The following MYBL1 variants were observed in gnomAD, a reference collection of about 807,000 sequenced individuals.
MYBL1 encodes the protein myb-related protein A.
A neutral mutation model predicts 96.3 loss-of-function variants in MYBL1; 17 were observed. The ratio of observed to expected loss-of-function variants is 0.18; its 90% CI spans 0.12 to 0.26. The LOEUF is 0.26. Among genes scored for constraint, MYBL1 ranks in the 10% least tolerant of loss-of-function variants. MYBL1 has a pLI of 1.00. For synonymous variants in MYBL1, 282 were observed against 292.7 expected, an observed-to-expected ratio of 0.96 and a Z score of 0.37; for missense variants, 701 against 882.9, an observed-to-expected ratio of 0.79 and a Z score of 2.61.
chr8:66,609,394 A>G (rs551037457), intron 1 of MYBL1, among the ~76,000 whole-genome samples: 8 of 152,132 alleles, frequency 5.3e-5, no homozygotes, highest in African/African-American at 1.9e-4. Context: ...TTTTAATCAC[A>G]AATTAACTCA....
At chr8:66,567,313 T>A (rs986958396) in intron 12 of MYBL1, among the ~76,000 whole-genome samples, 2 of 152,208 alleles carry the variant, frequency 1.3e-5, no homozygotes, top group Admixed American at 1.3e-4. Context: ...AAGTTTTTTT[T>A]ACATAAAAAC....
Position 66,564,736 on chromosome 8 carries a change from G to GT in MYBL1, c.2219dup (p.Tyr740Ter). The change falls in exon 16 of 16, where the codon TAC becomes TAAC. Residue 740 changes from tyrosine (Y) to a stop codon, truncating the protein, a stop_gained and frameshift_variant. Coordinates refer to ENST00000522677, the MANE Select transcript of MYBL1 (RefSeq NM_001080416.4). LOFTEE classifies it high-confidence loss of function. ...CTCTTGAAGTACTACTGGTAGCTGT[G>GT]TAAGTACTCAGATATCTTCTTGCTT... is the stretch of plus-strand genomic sequence containing the variant. ...TEQARRYLST[Y>*]TATSSTSRAL... is the part of the protein sequence containing the mutation. 6.3e-7 allele frequency: 1 copy of GT among 1,584,592 alleles called. No homozygotes were observed. The highest frequency in any genetic ancestry group is 8.6e-7 in the Non-Finnish European group (1 of 1,162,482).
At chr8:66,581,186 T>C (rs1405912108) in intron 8 of MYBL1, among the ~76,000 whole-genome samples, 1 of 152,214 alleles carries the variant, frequency 6.6e-6, no homozygotes, top group Non-Finnish European at 1.5e-5. Flanking sequence ...TTATACACTT[T>C]TATCTGCTTC....
rs1477955715 is a variant in MYBL1, at chr8:66,564,753, T to G, written c.2203A>C (p.Arg735=). The change falls in exon 16 of 16, where the codon AGA becomes CGA. Residue 735 remains arginine, a synonymous_variant. Transcript: ENST00000522677. ...GTAGCTGTGTAAGTACTCAGATATCTTCTTGCTTGTTCAGTCATAATAAGT... is the reference window on the plus strand; with the variant it reads ...GTAGCTGTGTAAGTACTCAGATATCGTCTTGCTTGTTCAGTCATAATAAGT... ...DQLIMTEQAR[R]YLSTYTATSS... 3.2e-6 allele frequency: 5 copies of G among 1,584,520 alleles called. No individual in the cohort carries two copies. In the South Asian group the frequency reaches 5.7e-5, roughly 18 times the overall value.
In MYBL1 at chr8:66,562,330, T is replaced by A. The variant is rs1428791189; in HGVS notation, c.*2367A>T. On this transcript the variant is annotated 3_prime_UTR_variant, in exon 16 of 16. Transcript: ENST00000522677. Reference sequence around the variant, plus strand: ...AACCTTACAATAAAATGCAGTATTATGTATGTGTAGTCAGTTTCCATGCAA... The same window carrying A: ...AACCTTACAATAAAATGCAGTATTAAGTATGTGTAGTCAGTTTCCATGCAA... The A allele has an allele frequency of 6.6e-6, 1 of 152,664 alleles. No individual in the cohort carries two copies. The highest frequency in any genetic ancestry group is 1.5e-5 in the Non-Finnish European group (1 of 68,036). 9.5% of individuals were successfully genotyped at this position (152,664 alleles called of 1,614,324 possible).
intron 15 of MYBL1, chr8:66,565,493 C>G (rs1320754841): frequency 6.6e-6 from 1 of 152,246 alleles, no homozygotes; most frequent in Non-Finnish European, 1.5e-5. Context: ...ATCAGGAATA[C>G]TAGTGCTGCA....
At position 66,592,429 on chromosome 8, in the gene MYBL1, T is replaced by G; in HGVS notation, c.867+11A>C. ...GATTCTAACAATACAAATAACAAGCTTATTTCTTACTGATGGAATTCGCTT... is the reference window on the plus strand; with the variant it reads ...GATTCTAACAATACAAATAACAAGCGTATTTCTTACTGATGGAATTCGCTT... On this transcript the variant is annotated intron_variant, in intron 8 of 15. Coordinates refer to ENST00000522677, the MANE Select transcript of MYBL1 (RefSeq NM_001080416.4). 1 of 1,525,538 alleles carries G rather than the reference T, an allele frequency of 6.6e-7. No homozygotes were observed. Among genetic ancestry groups the G allele is most frequent in the Non-Finnish European group, 9.0e-7 (1 of 1,115,564 alleles). The allele number at this position is 1,525,538 out of a possible 1,614,324, so 94.5% of individuals were successfully genotyped here.
intron 5 of MYBL1, 119 bp downstream of exon 5, chr8:66,597,211 C>A: frequency 1.4e-6 from 1 of 717,780 alleles, no homozygotes; most frequent in South Asian, 2.7e-5. Context: ...GTTATATAGT[C>A]TACATTTTAA....
At chr8:66,564,955 C>T (rs1284903449) in intron 15 of MYBL1, 130 bp from the exon 16 acceptor site, 9 of 502,004 alleles carry the variant, frequency 1.8e-5, no homozygotes, top group Non-Finnish European at 2.9e-5. Context: ...AATGTTTTAA[C>T]AATGGCACTG....
intron 5 of MYBL1, 88 bp from the exon 6 acceptor site, chr8:66,595,845 A>G: frequency 1.4e-6 from 1 of 702,836 alleles, no homozygotes; most frequent in Non-Finnish European, 2.1e-6. Flanking sequence ...CTTAAAACAA[A>G]TTTTTACACT....
At chr8:66,581,316 C>T (rs1264606704) in intron 8 of MYBL1, among the ~76,000 whole-genome samples, 1 of 152,148 alleles carries the variant, frequency 6.6e-6, no homozygotes, top group African/African-American at 2.4e-5. Context: ...AATCAAGCAC[C>T]TCTCCTGTAT....
rs1808393514 is a variant in MYBL1 at position 66,563,460 on chromosome 8, A to T, written c.*1237T>A. On this transcript the variant is annotated 3_prime_UTR_variant, in exon 16 of 16. Coordinates refer to ENST00000522677, the MANE Select transcript of MYBL1 (RefSeq NM_001080416.4). ...TAAAATAAGTGCAAACACCTAAAACAGGCAACTGAAGCAACTGTTGTAACC... is the reference window on the plus strand; with the variant it reads ...TAAAATAAGTGCAAACACCTAAAACTGGCAACTGAAGCAACTGTTGTAACC... 6.6e-6 allele frequency: 1 copy of T among 152,642 alleles called. No individual in the cohort carries two copies. The highest frequency in any genetic ancestry group is 2.4e-5 in the African/African-American group (1 of 41,462). 9.5% of individuals were successfully genotyped at this position (152,642 alleles called of 1,614,324 possible).
chr8:66,573,470 T>C lies in MYBL1; in HGVS notation c.1507A>G (p.Ile503Val), dbSNP rs1808816189. ...GTTGATGTAAATGAAGGATTTTCTATATTAAGTTGTTCATTACCAGGACAT... is the reference window on the plus strand; with the variant it reads ...GTTGATGTAAATGAAGGATTTTCTACATTAAGTTGTTCATTACCAGGACAT... ...NTCPGNEQLN[I>V]ENPSFTSTPI... The change falls in exon 11 of 16, where the codon ATA (isoleucine) becomes GTA (valine). Residue 503 changes from isoleucine to valine, a missense_variant. Physicochemically the swap from Ile to Val is conservative, Grantham distance 29 (BLOSUM62 3). Coordinates refer to ENST00000522677, the MANE Select transcript of MYBL1 (RefSeq NM_001080416.4). 6.8e-6 allele frequency: 11 copies of C among 1,610,656 alleles called. No individual in the cohort carries two copies. Among genetic ancestry groups the C allele is most frequent in the Non-Finnish European group, 8.5e-6 (10 of 1,178,480 alleles).
chr8:66,564,778 T>C lies in MYBL1; in HGVS notation c.2178A>G (p.Gln726=). ...TTCTTGCTTGTTCAGTCATAATAAG[T>C]TGGTCTTCTGTCTTCCCATAAACCA... ...ETVVYGKTED[Q]LIMTEQARRY... The change falls in exon 16 of 16, where the codon CAA becomes CAG. Residue 726 remains glutamine (Q), a synonymous_variant. Transcript: ENST00000522677. 1.3e-6 allele frequency: 2 copies of C among 1,583,232 alleles called. No individual in the cohort carries two copies. The highest frequency in any genetic ancestry group is 8.6e-7 in the Non-Finnish European group (1 of 1,161,414).
rs561437753 is a variant in MYBL1, at chr8:66,591,135, T to G, written c.867+1305A>C. Among the ~76,000 whole-genome samples the G allele has an allele frequency of 5.9e-5, 9 of 152,048 alleles. No individual in the cohort carries two copies. In the South Asian group the frequency reaches 1.2e-3, roughly 21 times the overall value. On this transcript the variant is annotated intron_variant, in intron 8 of 15. Coordinates refer to ENST00000522677, the MANE Select transcript of MYBL1 (RefSeq NM_001080416.4). ...AGGCTGAGGCAGGAGGATCACGAGG[T>G]CAGGAGATCGAGATCATCCTGGCTA...
chr8:66,573,933 CTA>C (rs934056175), intron 10 of MYBL1, among the ~76,000 whole-genome samples: 2 of 151,868 alleles, frequency 1.3e-5, no homozygotes, highest in African/African-American at 4.9e-5. Context: ...GTGGCTTTTT[CTA>C]TGAGAGTATT....
intron 4 of MYBL1, among the ~76,000 whole-genome samples, chr8:66,597,919 A>G (rs1486390710): frequency 2.0e-5 from 3 of 151,682 alleles, no homozygotes; most frequent in African/African-American, 7.3e-5. Flanking sequence ...AGGAAGCAGA[A>G]AGATTCTACC....
chr8:66,569,812 C>T (rs1195067329), intron 12 of MYBL1, among the ~76,000 whole-genome samples: 1 of 152,144 alleles, frequency 6.6e-6, no homozygotes, highest in African/African-American at 2.4e-5. Context: ...AGAACTCCTG[C>T]ATTTAATACT....
chr8:66,581,659 G>C (rs1420075565), intron 8 of MYBL1, among the ~76,000 whole-genome samples: 1 of 152,184 alleles, frequency 6.6e-6, no homozygotes, highest in African/African-American at 2.4e-5. Flanking sequence ...CTGGCTGACA[G>C]AGTGAGACCC....
Sources: gnomAD v4.1 joint callset for allele counts (sites outside exome capture counted in the v4.1 genomes callset) on GRCh38, gnomAD v4.1.1 for gene constraint, MANE v1.5 for transcripts, NCBI Gene and HGNC (gene_info 2026-07-23, HGNC 2026-07-21) for gene names.